PVT1: variants seen among roughly 807,000 people sequenced by gnomAD.
The protein encoded by PVT1 is CXCR4/PVT1 fusion.
At chr8:127,812,580 G>C (rs1814610030) in intron 2 of PVT1, among the ~76,000 whole-genome samples, 1 of 149,318 alleles carries the variant, frequency 6.7e-6, no homozygotes, top group Non-Finnish European at 1.5e-5. Context: ...GAAAGAAAAG[G>C]AGAGAGGGAG....
chr8:127,996,332 G>C (rs3815871), intron 4 of PVT1, among the ~76,000 whole-genome samples: 46,804 of 151,000 alleles, frequency 0.31, 8,332 homozygotes, highest in Admixed American at 0.51. Flanking sequence ...TGACTCTGCT[G>C]GTAATTTGTG....
chr8:127,942,276 G>A (rs1484901662), intron 3 of PVT1, among the ~76,000 whole-genome samples: 2 of 152,184 alleles, frequency 1.3e-5, no homozygotes, highest in African/African-American at 4.8e-5. Context: ...AAGGGATCAT[G>A]GAGAATTTCC....
intron 4 of PVT1, among the ~76,000 whole-genome samples, chr8:128,025,425 C>G (rs567465611): frequency 2.0e-5 from 3 of 152,286 alleles, no homozygotes; most frequent in African/African-American, 7.2e-5. Context: ...GTGCACAGAA[C>G]AAACACTGGC....
At chr8:128,062,133 C>A (rs1045936163) in intron 4 of PVT1, among the ~76,000 whole-genome samples, 3 of 152,166 alleles carry the variant, frequency 2.0e-5, no homozygotes, top group African/African-American at 7.2e-5. Flanking sequence ...TTCACTCTCC[C>A]AACTGGTGAA....
intron 2 of PVT1, among the ~76,000 whole-genome samples, chr8:127,878,905 C>T (rs1488908689): frequency 6.6e-6 from 1 of 152,216 alleles, no homozygotes; most frequent in East Asian, 1.9e-4. Context: ...CTCCCCACTC[C>T]CTGAGCCTAG....
intron 2 of PVT1, among the ~76,000 whole-genome samples, chr8:127,809,052 A>AAAAAAAAAAAAAAAAAAAAAAAAAAAAAG (rs1554588311): frequency 2.2e-5 from 3 of 135,108 alleles, no homozygotes; most frequent in African/African-American, 6.1e-5. Context: ...AAAAAAAAAA[A>AAAAAAAAAAAAAAAAAAAAAAAAAAAAAG]AAAGAAAGAA....
chr8:128,040,912 GCA>G (rs1813523842), intron 4 of PVT1, among the ~76,000 whole-genome samples: 2 of 151,658 alleles, frequency 1.3e-5, no homozygotes, highest in South Asian at 2.1e-4. Flanking sequence ...GTGCATGTGT[GCA>G]TATGTGTGTG....
At chr8:128,013,132 T>G (rs758236778) in intron 4 of PVT1, among the ~76,000 whole-genome samples, 2 of 152,224 alleles carry the variant, frequency 1.3e-5, no homozygotes, top group Non-Finnish European at 2.9e-5. Flanking sequence ...GGATTTATAC[T>G]GCAACTCTTG....
chr8:127,840,402 G>A (rs1335990908), intron 2 of PVT1, among the ~76,000 whole-genome samples: 2 of 152,258 alleles, frequency 1.3e-5, no homozygotes, highest in Non-Finnish European at 2.9e-5. Context: ...AGAGAAAGGA[G>A]CAGTGTCTCA....
intron 2 of PVT1, among the ~76,000 whole-genome samples, chr8:127,809,431 C>T (rs1193993358): frequency 1.3e-5 from 2 of 152,154 alleles, no homozygotes; most frequent in Non-Finnish European, 2.9e-5. Flanking sequence ...TGGCTTTAAG[C>T]GATCCTCCCA....
At chr8:127,856,254 G>A (rs1163132289) in intron 2 of PVT1, among the ~76,000 whole-genome samples, 2 of 152,058 alleles carry the variant, frequency 1.3e-5, no homozygotes, top group African/African-American at 4.8e-5. Flanking sequence ...GGGGTGGCTG[G>A]GAAAGGTGGT....
chr8:128,090,994 C>T (rs576476677), intron 5 of PVT1, among the ~76,000 whole-genome samples: 10 of 152,142 alleles, frequency 6.6e-5, no homozygotes, highest in Non-Finnish European at 1.2e-4. Context: ...TCCTGATCCT[C>T]CTCTGTAAAA....
chr8:127,951,301 G>A (rs763364757), intron 3 of PVT1, among the ~76,000 whole-genome samples: 48 of 152,314 alleles, frequency 3.2e-4, no homozygotes, highest in Non-Finnish European at 5.4e-4. Flanking sequence ...CACTGCTGGA[G>A]CTCAATATTC....
intron 3 of PVT1, among the ~76,000 whole-genome samples, chr8:127,925,060 A>G: frequency 6.6e-6 from 1 of 152,172 alleles, no homozygotes; most frequent in East Asian, 1.9e-4. Flanking sequence ...TCACCTCTTT[A>G]TTCCCACAAT....
intron 3 of PVT1, among the ~76,000 whole-genome samples, chr8:127,975,975 C>T (rs1408493087): frequency 6.6e-6 from 1 of 152,132 alleles, no homozygotes; most frequent in Admixed American, 6.5e-5. Flanking sequence ...TGCCTGGAGC[C>T]CTCCCTAGCT....
intron 4 of PVT1, among the ~76,000 whole-genome samples, chr8:128,022,669 C>T (rs1480584553): frequency 6.6e-6 from 1 of 152,148 alleles, no homozygotes; most frequent in Non-Finnish European, 1.5e-5. Flanking sequence ...AGCCCAAGTT[C>T]AAATCCTGAC....
At chr8:127,972,783 C>T (rs1478787883) in intron 3 of PVT1, among the ~76,000 whole-genome samples, 1 of 152,090 alleles carries the variant, frequency 6.6e-6, no homozygotes, top group Non-Finnish European at 1.5e-5. Context: ...TGCCAGGGTT[C>T]CGCTCCCAGA....
intron 2 of PVT1, among the ~76,000 whole-genome samples, chr8:127,822,556 G>A (rs552936135): frequency 4.6e-5 from 7 of 152,172 alleles, no homozygotes; most frequent in Non-Finnish European, 8.8e-5. Flanking sequence ...CAGCCTGGGC[G>A]ACAGAGCAGG....
At chr8:127,982,903 G>A (rs552717831) in intron 3 of PVT1, among the ~76,000 whole-genome samples, 2 of 152,300 alleles carry the variant, frequency 1.3e-5, no homozygotes, top group South Asian at 4.1e-4. Context: ...AAAAGAAGAT[G>A]TGTGTCCATG....
Sources: allele counts gnomAD v4.1 joint callset (sites outside exome capture counted in the v4.1 genomes callset), GRCh38; gene constraint gnomAD v4.1.1; transcripts MANE v1.5; gene names NCBI Gene and HGNC (gene_info 2026-07-23, HGNC 2026-07-21).